EXTL3: variants seen among roughly 807,000 people sequenced by gnomAD.
EXTL3 encodes exostosin-like 3.
EXTL3 carries 27 observed loss-of-function variants against 69.3 expected under a neutral mutation model. The ratio of observed to expected loss-of-function variants is 0.39; its 90% CI spans 0.29 to 0.54. The LOEUF is 0.54. EXTL3 is among the 20% of genes least tolerant of loss of function. EXTL3 has a pLI of 0.69. For missense variants in EXTL3, 1,003 were observed against 1,231.8 expected (o/e 0.81, Z 2.78); for synonymous variants, 511 against 499.4 (o/e 1.02, Z -0.31).
At chr8:28,748,790 GGC>G (rs1801943642) in intron 6 of EXTL3, among the ~76,000 whole-genome samples, 2 of 152,076 alleles carry the variant, frequency 1.3e-5, no homozygotes, top group African/African-American at 4.8e-5. Flanking sequence ...AGCCTCCATG[GGC>G]TTAGGGACTC....
intron 1 of EXTL3, among the ~76,000 whole-genome samples, chr8:28,639,187 C>T (rs148464297): frequency 2.6e-5 from 4 of 152,176 alleles, no homozygotes; most frequent in Admixed American, 1.3e-4. Flanking sequence ...TCGCCTGCCT[C>T]GGCCTCCCAA....
intron 1 of EXTL3, among the ~76,000 whole-genome samples, chr8:28,659,041 T>C (rs553562123): frequency 6.0e-4 from 92 of 152,368 alleles, no homozygotes; most frequent in Non-Finnish European, 9.3e-4. Flanking sequence ...ATTTCCTAAG[T>C]ACGGCTGAAG....
rs182105209 is a variant in EXTL3 at position 28,651,858 on chromosome 8, C to T, written c.-53+29048C>T. ...ATTCCTTTCTCCTCCCAGCTTCTGG[C>T]AACTACCATTAGACTTCTGTATCTA... On this transcript the variant is annotated intron_variant, in intron 1 of 6. Coordinates refer to the EXTL3 transcript ENST00000523149. Among the ~76,000 whole-genome samples, 229 of 152,312 alleles carry T rather than the reference C, an allele frequency of 1.5e-3. 3 individuals are homozygous for T. The highest frequency in any genetic ancestry group is 5.2e-3 in the African/African-American group (217 of 41,578).
intron 1 of EXTL3, among the ~76,000 whole-genome samples, chr8:28,685,135 A>G (rs1329231755): frequency 1.3e-5 from 2 of 152,050 alleles, no homozygotes; most frequent in Non-Finnish European, 2.9e-5. Flanking sequence ...TATTTTAAGT[A>G]GAGGTGGAGT....
At chr8:28,653,744 C>T (rs912877218) in intron 1 of EXTL3, among the ~76,000 whole-genome samples, 1 of 152,166 alleles carries the variant, frequency 6.6e-6, no homozygotes, top group Non-Finnish European at 1.5e-5. Flanking sequence ...TATGCCAGCA[C>T]CACACTTAGT....
At chr8:28,733,629 T>G (rs1801585659) in intron 4 of EXTL3, among the ~76,000 whole-genome samples, 1 of 148,962 alleles carries the variant, frequency 6.7e-6, no homozygotes. Flanking sequence ...ACTCCTGGCC[T>G]CGAGCAAGCC....
In EXTL3 at chr8:28,731,330, C is replaced by T. The variant is rs781276373; in HGVS notation, c.2256C>T (p.Asp752=). The part of the protein sequence containing the change: ...SIDDDAHLRH[D]EIMFGFRVWR... Reference sequence around the variant, plus strand: ...ATGACGATGCTCACCTCCGCCATGACGAAATCATGTTTGGGTTCCGGTGAG... The same window carrying T: ...ATGACGATGCTCACCTCCGCCATGATGAAATCATGTTTGGGTTCCGGTGAG... Residue 752 remains aspartate, a synonymous_variant, in exon 4 of 7, where the codon GAC becomes GAT. Transcript: ENST00000220562. 29 of 1,614,072 alleles carry T rather than the reference C, an allele frequency of 1.8e-5. No individual in the cohort carries two copies. The highest frequency in any genetic ancestry group is 3.3e-5 in the Admixed American group (2 of 60,014).
chr8:28,648,689 G>T (rs1206716171), intron 1 of EXTL3, among the ~76,000 whole-genome samples: 1 of 151,362 alleles, frequency 6.6e-6, no homozygotes, highest in African/African-American at 2.4e-5. Context: ...TACAGGGCAT[G>T]CTGTCCTCCT....
At chr8:28,647,951 G>A (rs1394576980) in intron 1 of EXTL3, among the ~76,000 whole-genome samples, 1 of 135,668 alleles carries the variant, frequency 7.4e-6, no homozygotes, top group Non-Finnish European at 1.6e-5. Flanking sequence ...GGCACTAGAT[G>A]GGTTGGGGGT....
chr8:28,699,317 AAG>A (rs1800736865), upstream of EXTL3: 1 of 152,496 alleles, frequency 6.6e-6, no homozygotes, highest in Admixed American at 6.6e-5. Flanking sequence ...AATTAGCAAG[AAG>A]AGAGTGTGAG....
chr8:28,631,462 T>G (rs1806569372), intron 1 of EXTL3: 1 of 152,198 alleles, frequency 6.6e-6, no homozygotes, highest in South Asian at 2.1e-4. Context: ...GCTCAGTTAT[T>G]TTCTCTGTGC....
At chr8:28,656,860 G>A (rs1807018663) in intron 1 of EXTL3, among the ~76,000 whole-genome samples, 3 of 151,792 alleles carry the variant, frequency 2.0e-5, no homozygotes, top group Non-Finnish European at 4.4e-5. Context: ...TTTCTGAGAT[G>A]AATGTGACCA....
chr8:28,611,034 C>T lies in EXTL3; in HGVS notation n.314+3276C>T, dbSNP rs116202663. ...CTGGGATTACAGGCGTCAGCCACTG[C>T]ACCCCCTACATCTGTTTGATGCTGT... On this transcript the variant is annotated intron_variant and non_coding_transcript_variant, in intron 2 of 4. Transcript: ENST00000522725. Among the ~76,000 whole-genome samples, 294 of 152,334 alleles carry T rather than the reference C, an allele frequency of 1.9e-3. 4 individuals carry two copies. The highest frequency in any genetic ancestry group is 6.3e-3 in the African/African-American group (260 of 41,578).
In EXTL3 at chr8:28,623,245, G is replaced by C. The variant is rs563475053; in HGVS notation, c.-53+435G>C. ...CTGCCACGCGCCCGCCTCGCGCGCTGTCAGGAGGCGCTGTCCCCGTGGGTA... is the reference window on the plus strand; with the variant it reads ...CTGCCACGCGCCCGCCTCGCGCGCTCTCAGGAGGCGCTGTCCCCGTGGGTA... On this transcript the variant is annotated intron_variant, in intron 1 of 6. Transcript: ENST00000523149. This position sits in a 1 kb window ranked among gnomAD's most constrained non-coding sequence, Gnocchi z 4.2. Among the ~76,000 whole-genome samples the C allele has an allele frequency of 6.6e-6, 1 of 152,188 alleles. No individual in the cohort carries two copies. Among genetic ancestry groups the C allele is most frequent in the Non-Finnish European group, 1.5e-5 (1 of 68,030 alleles).
chr8:28,736,383 T>C (rs974933563), intron 4 of EXTL3, among the ~76,000 whole-genome samples: 1 of 152,202 alleles, frequency 6.6e-6, no homozygotes. Context: ...CTGGCAGCCT[T>C]TCTGCAGGCC....
chr8:28,689,358 C>T (rs181303112), intron 1 of EXTL3, among the ~76,000 whole-genome samples: 9 of 152,286 alleles, frequency 5.9e-5, no homozygotes, highest in Admixed American at 2.6e-4. Flanking sequence ...CTCCAGCCTC[C>T]CACACTGTTA....
chr8:28,712,764 T>G (rs17059323), intron 1 of EXTL3, among the ~76,000 whole-genome samples: 2,995 of 152,276 alleles, frequency 0.02, 75 homozygotes, highest in African/African-American at 0.055. Flanking sequence ...TTTGAATCAT[T>G]GTTGAATTAT....
chr8:28,681,791 C>T (rs1186740312), intron 1 of EXTL3, among the ~76,000 whole-genome samples: 3 of 152,102 alleles, frequency 2.0e-5, no homozygotes, highest in Admixed American at 6.6e-5. Context: ...TGGTAGCTCA[C>T]GCCTGTAATC....
At chr8:28,696,172 G>A (rs943709010) in intron 1 of EXTL3, 1 of 152,106 alleles carries the variant, frequency 6.6e-6, no homozygotes, top group African/African-American at 2.4e-5. Flanking sequence ...TAGGATTACA[G>A]GTGTGAGCCC....
Sources: allele counts gnomAD v4.1 joint callset (sites outside exome capture counted in the v4.1 genomes callset), GRCh38; gene constraint gnomAD v4.1.1; non-coding constraint Gnocchi (gnomAD v3.1); transcripts MANE v1.5; gene names NCBI Gene and HGNC (gene_info 2026-07-23, HGNC 2026-07-21).